Variants in DNMT3B observed in about 807,000 individuals in gnomAD.
DNMT3B encodes the protein DNA methyltransferase 3 beta.
DNMT3B carries 37 observed loss-of-function variants against 120.2 expected under a neutral mutation model. That is an observed-to-expected ratio of 0.31 (90% CI 0.24 to 0.40). The LOEUF is 0.40. DNMT3B is among the 10% of genes least tolerant of loss of function. The pLI is 1.00. For synonymous variants in DNMT3B, 412 were observed against 442.8 expected, an observed-to-expected ratio of 0.93 and a Z score of 0.87; for missense variants, 878 against 1,137.3, an observed-to-expected ratio of 0.77 and a Z score of 3.28.
intron 8 of DNMT3B, among the ~76,000 whole-genome samples, chr20:32,792,155 A>G (rs1387966618): frequency 6.6e-6 from 1 of 151,964 alleles, no homozygotes; most frequent in Non-Finnish European, 1.5e-5. Context: ...TTAAGAGCCA[A>G]CCTCTTCTCA....
intron 1 of DNMT3B, among the ~76,000 whole-genome samples, chr20:32,775,014 G>A (rs761676318): frequency 2.0e-5 from 3 of 151,736 alleles, no homozygotes; most frequent in Non-Finnish European, 4.4e-5. Flanking sequence ...GAGCCACCGC[G>A]CCTGGCCTAA....
At chr20:32,796,766 G>C in intron 12 of DNMT3B, 24 bp from the exon 13 acceptor site, 1 of 1,614,160 alleles carries the variant, frequency 6.2e-7, no homozygotes, top group Non-Finnish European at 8.5e-7. Flanking sequence ...ACTGCCAAAA[G>C]CCACAACCCT....
At chr20:32,768,317 C>T (rs1381980401) in intron 1 of DNMT3B, among the ~76,000 whole-genome samples, 1 of 149,522 alleles carries the variant, frequency 6.7e-6, no homozygotes, top group Non-Finnish European at 1.5e-5. Context: ...CTCAGCCTCC[C>T]GAGTAGCTGG....
At position 32,780,322 on chromosome 20, in the gene DNMT3B, G is replaced by A; in HGVS notation, c.-2G>A. ...CCATTCTGGCTTCTCCCACAGGAAAGCATGAAGGGAGACACCAGGCATCTC... is the reference window on the plus strand; with the variant it reads ...CCATTCTGGCTTCTCCCACAGGAAAACATGAAGGGAGACACCAGGCATCTC... On this transcript the variant is annotated 5_prime_UTR_variant, in exon 2 of 23. Transcript: ENST00000328111. 1.2e-6 allele frequency: 2 copies of A among 1,614,000 alleles called. No individual in the cohort carries two copies. The highest frequency in any genetic ancestry group is 8.5e-7 in the Non-Finnish European group (1 of 1,180,012).
chr20:32,764,312 A>T (rs1398898779), intron 1 of DNMT3B, among the ~76,000 whole-genome samples: 3 of 152,148 alleles, frequency 2.0e-5, no homozygotes, highest in Non-Finnish European at 4.4e-5. Flanking sequence ...GATCTTCCTC[A>T]GATGTTTAGG....
intron 1 of DNMT3B, among the ~76,000 whole-genome samples, chr20:32,764,279 G>A (rs1392790268): frequency 4.6e-5 from 7 of 152,156 alleles, no homozygotes; most frequent in African/African-American, 1.7e-4. Context: ...AGTCTTATGC[G>A]TGAATTAACC....
At chr20:32,774,508 C>CTT (rs386393640) in intron 1 of DNMT3B, among the ~76,000 whole-genome samples, 31,016 of 98,060 alleles carry the variant, frequency 0.32, 5,964 homozygotes, top group East Asian at 0.87. Flanking sequence ...CGCGCCTGGC[C>CTT]TTTTTTTTTT....
Position 32,792,788 on chromosome 20 carries a change from TG to T in DNMT3B, c.1066+20del. On this transcript the variant is annotated intron_variant, in intron 9 of 22. Transcript: ENST00000328111. Reference sequence around the variant, plus strand: ...GCAACCAGGTGGGAATGAGTCCCCATGGCAGCACCCGCTGCCTCTGCTGGTG... The same window carrying T: ...GCAACCAGGTGGGAATGAGTCCCCATGCAGCACCCGCTGCCTCTGCTGGTG... The T allele has an allele frequency of 6.2e-7, 1 of 1,613,854 alleles. No homozygotes were observed. Among genetic ancestry groups the T allele is most frequent in the Non-Finnish European group, 8.5e-7 (1 of 1,179,960 alleles).
chr20:32,807,645 C>T, intron 22 of DNMT3B, 117 bp from the exon 23 acceptor site: 2 of 1,480,182 alleles, frequency 1.4e-6, no homozygotes, highest in Non-Finnish European at 1.9e-6. Context: ...TCCTTGGGGA[C>T]CTTACTGATG....
intron 1 of DNMT3B, among the ~76,000 whole-genome samples, chr20:32,773,117 C>CT (rs11449585): frequency 0.43 from 62,351 of 143,852 alleles, 14,116 homozygotes; most frequent in East Asian, 0.92. Context: ...CTGTGCCTGG[C>CT]TTTTTTTTTT....
Position 32,808,106 on chromosome 20 carries a change from A to C in DNMT3B, c.*203A>C. ...GGTGCCGCCTCCTTGTGCACAAATC[A>C]GACCTGGCTGCTTGGAGCAGCCTAA... On this transcript the variant is annotated 3_prime_UTR_variant, in exon 23 of 23. Transcript: ENST00000328111. The C allele has an allele frequency of 2.5e-6, 2 of 793,636 alleles. No homozygotes were observed. Among genetic ancestry groups the C allele is most frequent in the Non-Finnish European group, 3.9e-6 (2 of 508,686 alleles). 49.2% of individuals were successfully genotyped at this position (793,636 alleles called of 1,614,324 possible). A position where few individuals can be genotyped will look rare whatever the true frequency, so the allele number is the denominator to read the frequency against.
chr20:32,804,208 T>A (rs1303275872), intron 20 of DNMT3B, among the ~76,000 whole-genome samples: 1 of 152,218 alleles, frequency 6.6e-6, no homozygotes, highest in African/African-American at 2.4e-5. Context: ...GACTAAGCTC[T>A]GCAGGCTTAT....
chr20:32,793,239 A>T lies in DNMT3B; in HGVS notation c.1067-297A>T, dbSNP rs535235787. On this transcript the variant is annotated intron_variant, in intron 9 of 22. Coordinates refer to ENST00000328111, the MANE Select transcript of DNMT3B (RefSeq NM_006892.4). ...CCAGGCCTAGTGGCTCATGCCTGTA[A>T]TCGCAGCACTCTGGGAGGCTGAGGC... 1.5e-3 allele frequency among the ~76,000 whole-genome samples: 235 copies of T among 152,302 alleles called. 1 individual carries two copies. The highest frequency in any genetic ancestry group is 2.7e-3 in the Non-Finnish European group (186 of 68,018).
rs1601147829 is a variant in DNMT3B, at chr20:32,809,063, A to G, written c.*1160A>G. ...GAATTCAGACAAGCTGCATTTCAGA[A>G]ATGCTGTCATAATGGTTTTTAACAC... On this transcript the variant is annotated 3_prime_UTR_variant, in exon 23 of 23. Coordinates refer to ENST00000328111, the MANE Select transcript of DNMT3B (RefSeq NM_006892.4). 9.2e-6 allele frequency: 2 copies of G among 217,154 alleles called. No individual in the cohort carries two copies. Among genetic ancestry groups the G allele is most frequent in the East Asian group, 1.4e-4 (2 of 14,588 alleles). 13.5% of individuals were successfully genotyped at this position (217,154 alleles called of 1,614,324 possible). A position where few individuals can be genotyped will look rare whatever the true frequency, so the allele number is the denominator to read the frequency against.
chr20:32,765,618 A>T (rs1987289725), intron 1 of DNMT3B, among the ~76,000 whole-genome samples: 1 of 150,194 alleles, frequency 6.7e-6, no homozygotes. Flanking sequence ...ACGGGGTTTC[A>T]TCATGTTGGC....
intron 3 of DNMT3B, among the ~76,000 whole-genome samples, chr20:32,784,543 A>C (rs1353974456): frequency 6.6e-6 from 1 of 152,146 alleles, no homozygotes; most frequent in African/African-American, 2.4e-5. Context: ...CTGCACGAGG[A>C]AGCCCTGATG....
chr20:32,789,061 G>C, intron 7 of DNMT3B, 49 bp downstream of exon 7: 1 of 1,606,954 alleles, frequency 6.2e-7, no homozygotes, highest in Non-Finnish European at 8.5e-7. Flanking sequence ...GGCTGTGCCT[G>C]CCTGCCTCCC....
rs1180421296 is a variant in DNMT3B, at chr20:32,788,932, T to A, written c.733T>A (p.Ser245Thr). 1 of 1,613,504 alleles carries A rather than the reference T, an allele frequency of 6.2e-7. No individual in the cohort carries two copies. Among genetic ancestry groups the A allele is most frequent in the Non-Finnish European group, 8.5e-7 (1 of 1,179,842 alleles). The change falls in exon 7 of 23, where the codon TCT (serine) becomes ACT (threonine). Residue 245 changes from serine (S) to threonine (T), a missense_variant. Transcript: ENST00000328111. ...CTCCTGGTGGCCCGCCATGGTGGTG[T>A]CTTGGAAGGCCACCTCCAAGCGACA... The part of the protein sequence containing the change: ...GFSWWPAMVV[S>T]WKATSKRQAM...
chr20:32,771,783 T>C (rs185771582), intron 1 of DNMT3B, among the ~76,000 whole-genome samples: 100 of 152,214 alleles, frequency 6.6e-4, no homozygotes, highest in African/African-American at 2.3e-3. Flanking sequence ...GGGAAAAATA[T>C]TAGGTCCCTA....
Sources: allele counts gnomAD v4.1 joint callset (sites outside exome capture counted in the v4.1 genomes callset), GRCh38; gene constraint gnomAD v4.1.1; transcripts MANE v1.5; gene names NCBI Gene and HGNC (gene_info 2026-07-23, HGNC 2026-07-21).